TANC1: variants seen among roughly 807,000 people sequenced by gnomAD.
TANC1 encodes the protein tetratricopeptide repeat, ankyrin repeat and coiled-coil containing 1, also known as protein TANC1.
TANC1 carries 77 observed loss-of-function variants against 149.7 expected under a neutral mutation model. That is an observed-to-expected ratio of 0.51 (90% CI 0.43 to 0.62). The LOEUF is 0.62. Among genes scored for constraint, TANC1 ranks in the 20% least tolerant of loss-of-function variants. The pLI is 0.00. For missense variants in TANC1, 1,985 were observed against 2,321.8 expected (o/e 0.85, Z 2.98); for synonymous variants, 854 against 925.0 (o/e 0.92, Z 1.39).
intron 19 of TANC1, among the ~76,000 whole-genome samples, chr2:159,203,971 T>G (rs908454398): frequency 6.6e-6 from 1 of 152,240 alleles, no homozygotes; most frequent in Non-Finnish European, 1.5e-5. Flanking sequence ...AATAGAACTT[T>G]CCGTAATAAT....
At chr2:158,987,695 TC>T (rs2035170919) in intron 1 of TANC1, among the ~76,000 whole-genome samples, 1 of 152,132 alleles carries the variant, frequency 6.6e-6, no homozygotes, top group South Asian at 2.1e-4. Context: ...TGGGATAAGG[TC>T]CCAGTTTAGT....
At chr2:159,181,842 TTCTC>T (rs1251813951) in intron 14 of TANC1, among the ~76,000 whole-genome samples, 1 of 152,200 alleles carries the variant, frequency 6.6e-6, no homozygotes, top group Non-Finnish European at 1.5e-5. Flanking sequence ...CTTTCCTTTC[TTCTC>T]TCTTAGTTTT....
intron 14 of TANC1, among the ~76,000 whole-genome samples, chr2:159,183,037 G>A (rs2056648880): frequency 6.6e-6 from 1 of 152,236 alleles, no homozygotes; most frequent in African/African-American, 2.4e-5. Flanking sequence ...ACAGAGGAGA[G>A]GAAAGAGCTG....
rs185813654 is a variant in TANC1 at position 159,129,215 on chromosome 2, G to A, written c.260-6979G>A. On this transcript the variant is annotated intron_variant, in intron 4 of 26. Transcript: ENST00000263635. ...TATAAATATATAATTATCTTTAACC[G>A]AAACACTCAGAAATGAAAGGTAATC... Among the ~76,000 whole-genome samples, 26 of 152,126 alleles carry A rather than the reference G, an allele frequency of 1.7e-4. No individual in the cohort carries two copies. In the East Asian group the frequency reaches 3.5e-3, roughly 20 times the overall value.
chr2:159,143,073 A>AAAAACT (rs1559338505), intron 5 of TANC1, among the ~76,000 whole-genome samples: 1 of 82,286 alleles, frequency 1.2e-5, no homozygotes, highest in African/African-American at 3.8e-5. Context: ...AAAAAAAAAA[A>AAAAACT]AAAAACAACA....
intron 16 of TANC1, among the ~76,000 whole-genome samples, chr2:159,188,174 G>A (rs1257220947): frequency 6.6e-6 from 1 of 152,110 alleles, no homozygotes; most frequent in Non-Finnish European, 1.5e-5. Flanking sequence ...TATCTTTCAA[G>A]GGGGGAAAAC....
intron 3 of TANC1, among the ~76,000 whole-genome samples, chr2:159,077,979 C>G (rs1179175259): frequency 1.3e-5 from 2 of 152,150 alleles, no homozygotes; most frequent in East Asian, 3.8e-4. Context: ...TTCATCTTTG[C>G]CAGCATGAGA....
At chr2:159,127,590 G>A (rs974727600) in intron 4 of TANC1, among the ~76,000 whole-genome samples, 5 of 152,248 alleles carry the variant, frequency 3.3e-5, no homozygotes, top group African/African-American at 9.6e-5. Flanking sequence ...AGGAAGTGTA[G>A]TACATATACA....
Position 159,097,765 on chromosome 2 carries a change from C to T in TANC1, c.190C>T (p.Leu64=). The stretch of plus-strand genomic sequence containing the variant: ...CTTGGCCAAAGGTGTCTCGATGTCT[C>T]TGCCTTCCTCACCTTTGCTGCCTCG... ...VSLAKGVSMS[L]PSSPLLPRQS... Residue 64 remains leucine (L), a synonymous_variant, in exon 4 of 27, where the codon CTG becomes TTG. Transcript: ENST00000263635. 1 of 1,614,116 alleles carries T rather than the reference C, an allele frequency of 6.2e-7. No individual in the cohort carries two copies. Among genetic ancestry groups the T allele is most frequent in the Non-Finnish European group, 8.5e-7 (1 of 1,180,030 alleles).
intron 16 of TANC1, among the ~76,000 whole-genome samples, chr2:159,190,832 G>A (rs1294455208): frequency 1.3e-5 from 2 of 152,220 alleles, no homozygotes; most frequent in Admixed American, 6.5e-5. Flanking sequence ...GATTACAGGC[G>A]TGAGCCACCA....
intron 2 of TANC1, among the ~76,000 whole-genome samples, chr2:159,013,192 TC>T (rs943144349): frequency 2.3e-4 from 35 of 152,272 alleles, no homozygotes; most frequent in African/African-American, 7.9e-4. Flanking sequence ...ATGTTGAAAA[TC>T]AATTATGTAT....
intron 19 of TANC1, among the ~76,000 whole-genome samples, chr2:159,204,990 C>T (rs1388052968): frequency 6.6e-6 from 1 of 152,244 alleles, no homozygotes; most frequent in African/African-American, 2.4e-5. Flanking sequence ...GAATTTTGGA[C>T]AGAACCTGCT....
Position 159,185,813 on chromosome 2 carries a change from T to C in TANC1, c.2533T>C (p.Phe845Leu). ...EPRNGHALLA[F>L]MFSRQEGKLN... Reference sequence around the variant, plus strand: ...TAGGAACGGGCACGCGCTCTTGGCATTCATGTTCTCGCGTCAGGAGGGCAA... The same window carrying C: ...TAGGAACGGGCACGCGCTCTTGGCACTCATGTTCTCGCGTCAGGAGGGCAA... The change falls in exon 15 of 27, where the codon TTC (phenylalanine) becomes CTC (leucine). Residue 845 changes from phenylalanine to leucine, a missense_variant. Around this residue, in one of 3 missense-constraint regions of TANC1, gnomAD observed 508 missense variants for 714.2 expected, o/e 0.71. Transcript: ENST00000263635. The C allele has an allele frequency of 1.2e-6, 2 of 1,614,100 alleles. No homozygotes were observed. Among genetic ancestry groups the C allele is most frequent in the Middle Eastern group, 1.6e-4 (1 of 6,062 alleles).
intron 1 of TANC1, among the ~76,000 whole-genome samples, chr2:158,969,194 G>A (rs913370508): frequency 5.3e-5 from 8 of 152,312 alleles, no homozygotes; most frequent in Admixed American, 5.2e-4. Flanking sequence ...GCTTGGCAAG[G>A]GCCTGGGCTA....
intron 3 of TANC1, among the ~76,000 whole-genome samples, chr2:159,082,061 C>G (rs533366731): frequency 3.3e-5 from 5 of 152,388 alleles, no homozygotes; most frequent in Admixed American, 3.3e-4. Flanking sequence ...CAAGCCATAC[C>G]CTGCTCTGCC....
chr2:159,012,729 G>A (rs1483200506), intron 2 of TANC1, among the ~76,000 whole-genome samples: 1 of 152,174 alleles, frequency 6.6e-6, no homozygotes, highest in African/African-American at 2.4e-5. Flanking sequence ...TAGAGTGGAT[G>A]TTGGGATATT....
intron 2 of TANC1, among the ~76,000 whole-genome samples, chr2:159,024,649 GC>G (rs1300458244): frequency 6.6e-6 from 1 of 151,964 alleles, no homozygotes; most frequent in Non-Finnish European, 1.5e-5. Context: ...TACTCAGGAG[GC>G]TGAGGCAGGA....
At chr2:159,025,800 A>C (rs1389101157) in intron 2 of TANC1, among the ~76,000 whole-genome samples, 1 of 152,154 alleles carries the variant, frequency 6.6e-6, no homozygotes, top group Non-Finnish European at 1.5e-5. Context: ...GTGCCTTAAA[A>C]CTTTCTTGAT....
At chr2:159,175,228 C>A in intron 12 of TANC1, 44 bp downstream of exon 12, 1 of 1,511,042 alleles carries the variant, frequency 6.6e-7, no homozygotes, top group Non-Finnish European at 9.2e-7. Context: ...AGTAGTGGTA[C>A]AGCAGACACA....
Sources: gnomAD v4.1 joint callset for allele counts (sites outside exome capture counted in the v4.1 genomes callset) on GRCh38, gnomAD v4.1.1 for gene constraint, gnomAD v4.1.1 regional missense constraint, MANE v1.5 for transcripts, NCBI Gene and HGNC (gene_info 2026-07-23, HGNC 2026-07-21) for gene names.